The following PCOLCE2 variants were observed in gnomAD, a reference collection of about 807,000 sequenced individuals.
The protein encoded by PCOLCE2 is procollagen C-endopeptidase enhancer 2, also known as procollagen C-proteinase enhancer 2.
A neutral mutation model predicts 47.0 loss-of-function variants in PCOLCE2; 42 were observed. That is an observed-to-expected ratio of 0.89 (90% CI 0.70 to 1.16). The LOEUF (loss-of-function observed/expected upper bound fraction) is 1.16. Ranked by LOEUF, PCOLCE2 falls within the 50% of genes most tolerant of loss-of-function variation. PCOLCE2 has a pLI of 0.00. For synonymous variants in PCOLCE2, 169 were observed against 191.7 expected, an observed-to-expected ratio of 0.88 and a Z score of 0.98; for missense variants, 500 against 526.1, an observed-to-expected ratio of 0.95 and a Z score of 0.49.
At chr3:142,870,143 A>T (rs1245738802) in intron 2 of PCOLCE2, among the ~76,000 whole-genome samples, 1 of 152,228 alleles carries the variant, frequency 6.6e-6, no homozygotes, top group Non-Finnish European at 1.5e-5. Context: ...AAGTTAGAAG[A>T]TCCTAACTCA....
At chr3:142,885,124 G>A (rs1435397115) in intron 2 of PCOLCE2, among the ~76,000 whole-genome samples, 2 of 152,170 alleles carry the variant, frequency 1.3e-5, no homozygotes, top group Non-Finnish European at 1.5e-5. Flanking sequence ...GAAGTTTGGT[G>A]GTAACAACTA....
intron 8 of PCOLCE2, 32 bp downstream of exon 8, chr3:142,820,846 G>C (rs1174671811): frequency 6.4e-7 from 1 of 1,574,620 alleles, no homozygotes; most frequent in East Asian, 2.3e-5. Context: ...TCCATGGCTT[G>C]CTCAGAGACA....
At chr3:142,819,771 G>A (rs1342364541) in intron 8 of PCOLCE2, among the ~76,000 whole-genome samples, 1 of 152,120 alleles carries the variant, frequency 6.6e-6, no homozygotes, top group Non-Finnish European at 1.5e-5. Context: ...TCAGCCTCAC[G>A]AGTAGCTGGG....
chr3:142,818,272 T>C lies in PCOLCE2; in HGVS notation c.*63A>G. On this transcript the variant is annotated 3_prime_UTR_variant, in exon 9 of 9. Coordinates refer to ENST00000295992, the MANE Select transcript of PCOLCE2 (RefSeq NM_013363.4). The stretch of plus-strand genomic sequence containing the variant: ...ATTTTATAAGTATTTTTTTTTCTAC[T>C]GAGAGAACATAGATCTTTCAAAGGC... 2.1e-6 allele frequency: 3 copies of C among 1,433,786 alleles called. No homozygotes were observed. Among genetic ancestry groups the C allele is most frequent in the East Asian group, 2.3e-5 (1 of 43,818 alleles). The allele number at this position is 1,433,786 out of a possible 1,614,324, so 88.8% of individuals were successfully genotyped here. A position where few individuals can be genotyped will look rare whatever the true frequency, so the allele number is the denominator to read the frequency against.
At chr3:142,839,808 A>T (rs1937246102) in intron 4 of PCOLCE2, among the ~76,000 whole-genome samples, 1 of 152,244 alleles carries the variant, frequency 6.6e-6, no homozygotes, top group African/African-American at 2.4e-5. Context: ...ATACCTCAAT[A>T]AAGCTGCAGA....
intron 3 of PCOLCE2, 97 bp downstream of exon 3, chr3:142,848,120 G>T: frequency 7.8e-7 from 1 of 1,283,884 alleles, no homozygotes; most frequent in Non-Finnish European, 1.1e-6. Context: ...AGCTCTTTGA[G>T]AACCACTCTT....
chr3:142,861,214 T>A (rs1206990295), intron 2 of PCOLCE2, among the ~76,000 whole-genome samples: 1 of 152,234 alleles, frequency 6.6e-6, no homozygotes, highest in Non-Finnish European at 1.5e-5. Flanking sequence ...TCTTTCCCCT[T>A]CTATGTGACT....
chr3:142,819,320 CT>C (rs1207837263), intron 8 of PCOLCE2, among the ~76,000 whole-genome samples: 2 of 152,140 alleles, frequency 1.3e-5, no homozygotes, highest in African/African-American at 4.8e-5. Context: ...TTAATTCCTC[CT>C]TTAGTTCCCC....
chr3:142,852,811 T>C (rs1015528683), intron 2 of PCOLCE2, among the ~76,000 whole-genome samples: 1 of 150,900 alleles, frequency 6.6e-6, no homozygotes, highest in African/African-American at 2.4e-5. Flanking sequence ...TTGTGTTGTT[T>C]TAAAAATTAA....
chr3:142,858,721 TTG>T (rs1438390861), intron 2 of PCOLCE2, among the ~76,000 whole-genome samples: 2 of 121,290 alleles, frequency 1.6e-5, no homozygotes, highest in African/African-American at 5.9e-5. Context: ...ATACAGGATT[TTG>T]TGTGTGTGTG....
At chr3:142,868,246 G>A (rs1933320605) in intron 2 of PCOLCE2, among the ~76,000 whole-genome samples, 1 of 152,020 alleles carries the variant, frequency 6.6e-6, no homozygotes. Flanking sequence ...GGCCTCCAAG[G>A]ACCACTTAAT....
chr3:142,869,015 G>A (rs1933334020), intron 2 of PCOLCE2, among the ~76,000 whole-genome samples: 1 of 152,164 alleles, frequency 6.6e-6, no homozygotes, highest in Non-Finnish European at 1.5e-5. Flanking sequence ...ACCTTGGCCG[G>A]GTGCGGTGGC....
chr3:142,874,168 C>T (rs1227173382), intron 2 of PCOLCE2, among the ~76,000 whole-genome samples: 2 of 152,212 alleles, frequency 1.3e-5, no homozygotes, highest in Non-Finnish European at 2.9e-5. Flanking sequence ...CTCCACCTCC[C>T]GGGTTCAAGC....
At chr3:142,847,657 C>T (rs1042158292) in intron 3 of PCOLCE2, among the ~76,000 whole-genome samples, 1 of 152,182 alleles carries the variant, frequency 6.6e-6, no homozygotes, top group Admixed American at 6.5e-5. Flanking sequence ...CTACCTCAGC[C>T]TCCCAAGTAG....
intron 2 of PCOLCE2, among the ~76,000 whole-genome samples, chr3:142,878,609 C>A (rs1403827779): frequency 1.3e-5 from 2 of 152,098 alleles, no homozygotes; most frequent in Non-Finnish European, 2.9e-5. Flanking sequence ...GAAAAGAAAT[C>A]CCACTTTGGG....
At chr3:142,872,041 A>C (rs778059082) in intron 2 of PCOLCE2, among the ~76,000 whole-genome samples, 4 of 152,072 alleles carry the variant, frequency 2.6e-5, no homozygotes, top group Non-Finnish European at 5.9e-5. Flanking sequence ...ATTGTCTTCC[A>C]GTTGCTTTTG....
At chr3:142,873,866 A>T (rs904470645) in intron 2 of PCOLCE2, among the ~76,000 whole-genome samples, 7 of 152,202 alleles carry the variant, frequency 4.6e-5, no homozygotes, top group Admixed American at 4.6e-4. Flanking sequence ...GGAAGAGAAC[A>T]TCTTTTTCAA....
intron 5 of PCOLCE2, among the ~76,000 whole-genome samples, chr3:142,834,735 A>G (rs1297412907): frequency 1.3e-5 from 2 of 152,002 alleles, no homozygotes; most frequent in Non-Finnish European, 1.5e-5. Flanking sequence ...TTTTTGTTTC[A>G]GCGTTTCTTT....
In PCOLCE2 at chr3:142,881,927, T is replaced by C. The variant is rs569730329; in HGVS notation, c.192+5742A>G. Among the ~76,000 whole-genome samples the C allele has an allele frequency of 6.6e-5, 10 of 152,308 alleles. No individual in the cohort carries two copies. In the South Asian group the frequency reaches 1.7e-3, roughly 25 times the overall value. ...GCTAAATAAGAAAAATTTTGCCACATACTTTTCACTTTAATGGGACTGCCT... is the reference window on the plus strand; with the variant it reads ...GCTAAATAAGAAAAATTTTGCCACACACTTTTCACTTTAATGGGACTGCCT... On this transcript the variant is annotated intron_variant, in intron 2 of 8. Coordinates refer to ENST00000295992, the MANE Select transcript of PCOLCE2 (RefSeq NM_013363.4).
Sources: gnomAD v4.1 joint callset for allele counts (sites outside exome capture counted in the v4.1 genomes callset) on GRCh38, gnomAD v4.1.1 for gene constraint, MANE v1.5 for transcripts, NCBI Gene and HGNC (gene_info 2026-07-23, HGNC 2026-07-21) for gene names.